Variants in PLA2G4A observed in about 807,000 individuals in gnomAD.
PLA2G4A encodes phospholipase A2 group IVA, also known as cytosolic phospholipase A2.
In PLA2G4A, 40 loss-of-function variants were observed where a neutral mutation model predicts 81.9. That is an observed-to-expected ratio of 0.49 (90% CI 0.38 to 0.64). PLA2G4A has a LOEUF of 0.64. Ranked by LOEUF, PLA2G4A falls within the 30% of genes least tolerant of loss-of-function variation. PLA2G4A has a pLI of 0.00. For missense variants in PLA2G4A, 715 were observed against 905.1 expected, an observed-to-expected ratio of 0.79 and a Z score of 2.69; for synonymous variants, 302 against 296.9, an observed-to-expected ratio of 1.02 and a Z score of -0.18.
chr1:186,956,124 A>C lies in PLA2G4A; in HGVS notation c.1359A>C (p.Gly453=). Residue 453 remains glycine, a synonymous_variant, in exon 14 of 18, where the codon GGA becomes GGC. Coordinates refer to ENST00000367466, the MANE Select transcript of PLA2G4A (RefSeq NM_024420.3). Reference sequence around the variant, plus strand: ...TAGGCACTGAAAATGAAGATGCTGGAAGTGACTATCAAAGTGATAATCAAG... The same window carrying C: ...TAGGCACTGAAAATGAAGATGCTGGCAGTGACTATCAAAGTGATAATCAAG... ...EPKGTENEDA[G]SDYQSDNQAS... 6.2e-7 allele frequency: 1 copy of C among 1,613,176 alleles called. No homozygotes were observed. The highest frequency in any genetic ancestry group is 8.5e-7 in the Non-Finnish European group (1 of 1,179,166).
chr1:186,837,649 A>G (rs1446232398), intron 1 of PLA2G4A, among the ~76,000 whole-genome samples: 2 of 145,772 alleles, frequency 1.4e-5, no homozygotes, highest in Non-Finnish European at 3.0e-5. Context: ...AGGCAGGAGA[A>G]TGGCGTGAAC....
At chr1:186,900,251 G>A (rs564919057) in intron 5 of PLA2G4A, among the ~76,000 whole-genome samples, 1 of 152,094 alleles carries the variant, frequency 6.6e-6, no homozygotes, top group African/African-American at 2.4e-5. Flanking sequence ...TGCCTTTGCC[G>A]TGCATCCTCA....
intron 3 of PLA2G4A, among the ~76,000 whole-genome samples, chr1:186,891,771 A>T (rs1281662288): frequency 6.6e-6 from 1 of 152,180 alleles, no homozygotes; most frequent in Non-Finnish European, 1.5e-5. Flanking sequence ...AGGAGTACAG[A>T]TATCTCTTCA....
chr1:186,978,942 G>A (rs980511582), intron 16 of PLA2G4A, among the ~76,000 whole-genome samples: 1 of 152,202 alleles, frequency 6.6e-6, no homozygotes, highest in Admixed American at 6.5e-5. Flanking sequence ...CCACAATCAT[G>A]CTTCCCACAC....
chr1:186,978,182 C>T (rs993649021), intron 16 of PLA2G4A, among the ~76,000 whole-genome samples: 3 of 152,184 alleles, frequency 2.0e-5, no homozygotes, highest in Admixed American at 1.3e-4. Context: ...CGTAATCTAG[C>T]AGTACACAAT....
At chr1:186,914,558 A>G (rs1050937296) in intron 7 of PLA2G4A, among the ~76,000 whole-genome samples, 43 of 152,132 alleles carry the variant, frequency 2.8e-4, no homozygotes, top group Admixed American at 1.4e-3. Context: ...TGATCATTTG[A>G]GCAAGCAGGG....
intron 7 of PLA2G4A, among the ~76,000 whole-genome samples, chr1:186,925,654 G>A (rs1338809698): frequency 2.0e-5 from 3 of 152,040 alleles, no homozygotes; most frequent in Non-Finnish European, 4.4e-5. Context: ...TGAGCACACA[G>A]GTAATTTCTT....
intron 5 of PLA2G4A, among the ~76,000 whole-genome samples, chr1:186,902,780 T>C (rs1237685742): frequency 6.6e-6 from 1 of 150,842 alleles, no homozygotes; most frequent in Non-Finnish European, 1.5e-5. Flanking sequence ...ACCCAAATCC[T>C]ATAAAACTGC....
chr1:186,928,028 C>T (rs1230531677), intron 7 of PLA2G4A, among the ~76,000 whole-genome samples: 1 of 152,088 alleles, frequency 6.6e-6, no homozygotes, highest in Admixed American at 6.5e-5. Flanking sequence ...ATGAACTGAG[C>T]AGGCCTGGGC....
chr1:186,977,785 C>T lies in PLA2G4A; in HGVS notation c.1957C>T (p.Pro653Ser), dbSNP rs1657584160. Residue 653 changes from proline (P) to serine (S), a missense_variant, in exon 16 of 18, where the codon CCA becomes TCA. Pro to Ser is a moderately conservative substitution (Grantham distance 74). Transcript: ENST00000367466. The part of the protein sequence containing the change: ...ANINFRKYRA[P>S]GVPRETEEEK... ...CATCAACTTCAGAAAGTACAGGGCT[C>T]CAGGTAAGTAGGGAGTAAGCTGTAT... The T allele has an allele frequency of 6.3e-7, 1 of 1,595,456 alleles. No homozygotes were observed. Among genetic ancestry groups the T allele is most frequent in the African/African-American group, 1.3e-5 (1 of 74,534 alleles).
intron 3 of PLA2G4A, among the ~76,000 whole-genome samples, chr1:186,873,459 G>A (rs983561095): frequency 1.6e-4 from 24 of 152,000 alleles, no homozygotes; most frequent in Admixed American, 2.0e-4. Context: ...ATTTATAAAG[G>A]TAGAGTTCCA....
At chr1:186,919,478 G>A (rs967138657) in intron 7 of PLA2G4A, among the ~76,000 whole-genome samples, 5 of 152,094 alleles carry the variant, frequency 3.3e-5, no homozygotes, top group Middle Eastern at 3.2e-3. Flanking sequence ...TTGCACACTC[G>A]ACTGCCGTGG....
At chr1:186,865,175 A>G (rs1652981775) in intron 2 of PLA2G4A, among the ~76,000 whole-genome samples, 1 of 150,972 alleles carries the variant, frequency 6.6e-6, no homozygotes, top group African/African-American at 2.4e-5. Context: ...TCAAGGGGAG[A>G]AGAATCTCAA....
chr1:186,881,936 G>A (rs1056402271), intron 3 of PLA2G4A, among the ~76,000 whole-genome samples: 3 of 152,072 alleles, frequency 2.0e-5, no homozygotes, highest in African/African-American at 7.2e-5. Context: ...GAGTGAATAG[G>A]AAGGCTGTGC....
intron 3 of PLA2G4A, among the ~76,000 whole-genome samples, chr1:186,874,775 G>C (rs1653408548): frequency 6.6e-6 from 1 of 151,964 alleles, no homozygotes. Context: ...TGAACTCATT[G>C]TATTCAAGCC....
At chr1:186,971,878 A>G (rs1257113993) in intron 15 of PLA2G4A, among the ~76,000 whole-genome samples, 3 of 152,110 alleles carry the variant, frequency 2.0e-5, no homozygotes, top group Non-Finnish European at 4.4e-5. Flanking sequence ...ATATGATTTT[A>G]TTAAGGTAAT....
chr1:186,854,768 A>AT (rs924999396), intron 2 of PLA2G4A, among the ~76,000 whole-genome samples: 1 of 151,940 alleles, frequency 6.6e-6, no homozygotes, highest in Non-Finnish European at 1.5e-5. Context: ...TATGGTTTGC[A>AT]TTTTCAGGGC....
At position 186,839,017 on chromosome 1, in the gene PLA2G4A, C is replaced by T. The variant is rs186806372; in HGVS notation, c.-70+9982C>T. ...TACCATAATCAAAATATCTTTTCAA[C>T]GACCAAAATAATATTATTGAACTAT... On this transcript the variant is annotated intron_variant, in intron 1 of 17. Transcript: ENST00000367466. Among the ~76,000 whole-genome samples the T allele has an allele frequency of 7.4e-4, 113 of 152,168 alleles. 1 individual carries two copies. The highest frequency in any genetic ancestry group is 9.3e-4 in the Non-Finnish European group (63 of 68,016).
chr1:186,923,376 G>A (rs565426784), intron 7 of PLA2G4A, among the ~76,000 whole-genome samples: 1 of 152,112 alleles, frequency 6.6e-6, no homozygotes, highest in South Asian at 2.1e-4. Context: ...TTTTCTTTTT[G>A]TCACCATCCT....
Sources: gnomAD v4.1 joint callset for allele counts (sites outside exome capture counted in the v4.1 genomes callset) on GRCh38, gnomAD v4.1.1 for gene constraint, MANE v1.5 for transcripts, NCBI Gene and HGNC (gene_info 2026-07-23, HGNC 2026-07-21) for gene names.